Variants in DPYD observed in about 807,000 individuals in gnomAD.
The protein encoded by DPYD is dihydropyrimidine dehydrogenase [NADP(+)].
In DPYD, 109 loss-of-function variants were observed where a neutral mutation model predicts 116.2. The observed-to-expected ratio is 0.94, with a 90% CI of 0.80 to 1.10. DPYD has a LOEUF of 1.10. Ranked by LOEUF, DPYD falls within the 50% of genes least tolerant of loss-of-function variation. The pLI is 0.00. For missense variants in DPYD, 1,302 were observed against 1,254.5 expected, an observed-to-expected ratio of 1.04 and a Z score of -0.57; for synonymous variants, 440 against 432.0, an observed-to-expected ratio of 1.02 and a Z score of -0.23.
chr1:97,626,921 T>C (rs1656964651), intron 8 of DPYD, among the ~76,000 whole-genome samples: 2 of 152,046 alleles, frequency 1.3e-5, no homozygotes, highest in African/African-American at 4.8e-5. Context: ...GGTGTCTTAG[T>C]TCCGGCTTCT....
intron 4 of DPYD, among the ~76,000 whole-genome samples, chr1:97,737,674 T>C (rs1664035168): frequency 6.6e-6 from 1 of 152,124 alleles, no homozygotes; most frequent in South Asian, 2.1e-4. Context: ...TGGTTACATT[T>C]CTGCTTTTCT....
chr1:97,624,798 T>C (rs1221544982), intron 8 of DPYD, among the ~76,000 whole-genome samples: 1 of 152,052 alleles, frequency 6.6e-6, no homozygotes, highest in Admixed American at 6.6e-5. Context: ...AGGGAAATTT[T>C]ATTATTTGTA....
intron 13 of DPYD, among the ~76,000 whole-genome samples, chr1:97,474,304 G>C (rs1198878374): frequency 6.6e-6 from 1 of 151,902 alleles, no homozygotes. Context: ...ACAATGAAAT[G>C]TAAATGCCAA....
intron 19 of DPYD, among the ~76,000 whole-genome samples, chr1:97,224,565 A>C (rs1431148862): frequency 6.6e-6 from 1 of 151,920 alleles, no homozygotes; most frequent in Non-Finnish European, 1.5e-5. Context: ...AAAATACAAT[A>C]TTATTAACTA....
At chr1:97,084,267 T>C (rs1271261250) in intron 21 of DPYD, among the ~76,000 whole-genome samples, 1 of 152,002 alleles carries the variant, frequency 6.6e-6, no homozygotes, top group Non-Finnish European at 1.5e-5. Flanking sequence ...ATCTGAGATC[T>C]AACATTAGGT....
intron 13 of DPYD, among the ~76,000 whole-genome samples, chr1:97,471,519 T>C (rs1428439963): frequency 2.0e-5 from 3 of 151,576 alleles, no homozygotes; most frequent in African/African-American, 7.3e-5. Flanking sequence ...CCATGGAGCT[T>C]ATATTTCAAT....
intron 8 of DPYD, among the ~76,000 whole-genome samples, chr1:97,677,210 G>T (rs1422004888): frequency 6.6e-6 from 1 of 151,998 alleles, no homozygotes; most frequent in Admixed American, 6.6e-5. Context: ...AATTAATTTG[G>T]ATATTTCAAT....
chr1:97,530,918 G>GA (rs1473283927), intron 12 of DPYD, among the ~76,000 whole-genome samples: 1 of 151,974 alleles, frequency 6.6e-6, no homozygotes, highest in African/African-American at 2.4e-5. Flanking sequence ...TGGCTTGTTT[G>GA]AAAAAATATC....
chr1:97,532,258 T>A (rs1269322350), intron 12 of DPYD, among the ~76,000 whole-genome samples: 1 of 152,150 alleles, frequency 6.6e-6, no homozygotes, highest in Non-Finnish European at 1.5e-5. Flanking sequence ...ATGATCTTTT[T>A]AATGTACTGT....
At chr1:97,085,105 T>C (rs183840531) in intron 21 of DPYD, among the ~76,000 whole-genome samples, 99 of 152,314 alleles carry the variant, frequency 6.5e-4, no homozygotes, top group Admixed American at 9.8e-4. Context: ...AAATAATAAA[T>C]TCAAGAGGTC....
chr1:97,525,758 TAGAGAG>T (rs58098297), intron 12 of DPYD, among the ~76,000 whole-genome samples: 1,746 of 108,730 alleles, frequency 0.016, 32 homozygotes, highest in Middle Eastern at 0.032. Context: ...CCTGGGTAAT[TAGAGAG>T]AGAGAGAGAG....
intron 19 of DPYD, among the ~76,000 whole-genome samples, chr1:97,196,248 C>A (rs1444672584): frequency 6.6e-6 from 1 of 151,922 alleles, no homozygotes; most frequent in South Asian, 2.1e-4. Flanking sequence ...TACAGGCACA[C>A]ACCACCATGC....
chr1:97,342,441 T>C (rs1275643907), intron 16 of DPYD, among the ~76,000 whole-genome samples: 1 of 152,204 alleles, frequency 6.6e-6, no homozygotes, highest in Admixed American at 6.5e-5. Flanking sequence ...GCTTTTTCTT[T>C]CTAGAAAATC....
At chr1:97,429,357 A>G (rs1239689333) in intron 14 of DPYD, among the ~76,000 whole-genome samples, 1 of 152,110 alleles carries the variant, frequency 6.6e-6, no homozygotes, top group Non-Finnish European at 1.5e-5. Context: ...ATTTAAATCA[A>G]TAGTGTATCT....
At chr1:97,086,198 C>T (rs1268099524) in intron 21 of DPYD, among the ~76,000 whole-genome samples, 4 of 152,176 alleles carry the variant, frequency 2.6e-5, no homozygotes, top group East Asian at 3.9e-4. Context: ...GGGCTACAGG[C>T]GCCCGCCACC....
intron 13 of DPYD, 61 bp from the exon 14 acceptor site, chr1:97,450,284 A>T: frequency 6.3e-7 from 1 of 1,578,042 alleles, no homozygotes; most frequent in African/African-American, 1.3e-5. Context: ...AATCTTTATT[A>T]TCTGCTCATT....
chr1:97,616,233 A>T (rs929838849), intron 8 of DPYD, among the ~76,000 whole-genome samples: 4 of 151,970 alleles, frequency 2.6e-5, no homozygotes, highest in East Asian at 3.9e-4. Flanking sequence ...TATTCAATTA[A>T]TGTTAGTCTA....
At chr1:97,603,504 A>G (rs1320133254) in intron 8 of DPYD, among the ~76,000 whole-genome samples, 1 of 152,108 alleles carries the variant, frequency 6.6e-6, no homozygotes, top group African/African-American at 2.4e-5. Flanking sequence ...ACCTAAAAAC[A>G]TACTCTATTG....
chr1:97,671,888 CTTTT>C (rs1481926576), intron 8 of DPYD, among the ~76,000 whole-genome samples: 5 of 147,824 alleles, frequency 3.4e-5, no homozygotes, highest in South Asian at 4.3e-4. Flanking sequence ...CTTTTCTTTT[CTTTT>C]GTCTTCTTTT....
Sources: gnomAD v4.1 joint callset for allele counts (sites outside exome capture counted in the v4.1 genomes callset) on GRCh38, gnomAD v4.1.1 for gene constraint, MANE v1.5 for transcripts, NCBI Gene and HGNC (gene_info 2026-07-23, HGNC 2026-07-21) for gene names.